Variants in SLC35F1 observed in about 807,000 individuals in gnomAD.
The protein encoded by SLC35F1 is chromosome 6 open reading frame 169.
A neutral mutation model predicts 48.7 loss-of-function variants in SLC35F1; 14 were observed. The observed-to-expected ratio is 0.29, with a 90% CI of 0.19 to 0.45. SLC35F1 has a LOEUF of 0.45. Ranked by LOEUF, SLC35F1 falls within the 20% of genes least tolerant of loss-of-function variation. The pLI, the probability that SLC35F1 is intolerant of heterozygous loss-of-function variation, is 1.00. For missense variants in SLC35F1, 404 were observed against 500.0 expected (o/e 0.81, Z 1.83); for synonymous variants, 190 against 202.2 (o/e 0.94, Z 0.51).
chr6:118,227,711 G>T (rs992895819), intron 2 of SLC35F1, among the ~76,000 whole-genome samples: 2 of 152,038 alleles, frequency 1.3e-5, no homozygotes, highest in Admixed American at 1.3e-4. Context: ...GGCAATATAG[G>T]GTGGGCAAAA....
At chr6:118,050,742 G>C (rs1772377026) in intron 1 of SLC35F1, among the ~76,000 whole-genome samples, 1 of 152,140 alleles carries the variant, frequency 6.6e-6, no homozygotes, top group African/African-American at 2.4e-5. Flanking sequence ...GGCAGGCCAG[G>C]TTTTGTTGTA....
intron 3 of SLC35F1, among the ~76,000 whole-genome samples, chr6:118,236,053 A>C (rs1474533869): frequency 1.3e-5 from 2 of 152,232 alleles, no homozygotes; most frequent in Non-Finnish European, 2.9e-5. Flanking sequence ...TAGAATGTTA[A>C]TAGACTTTGA....
At chr6:118,097,296 T>G (rs1199397991) in intron 1 of SLC35F1, among the ~76,000 whole-genome samples, 1 of 152,196 alleles carries the variant, frequency 6.6e-6, no homozygotes, top group African/African-American at 2.4e-5. Flanking sequence ...CCCTTCAGTA[T>G]AGCTTAATAA....
chr6:118,191,821 C>T (rs1774737489), intron 2 of SLC35F1, among the ~76,000 whole-genome samples: 1 of 152,212 alleles, frequency 6.6e-6, no homozygotes, highest in Admixed American at 6.5e-5. Flanking sequence ...TGAATGAAAT[C>T]CCTTTATAAA....
At chr6:117,935,221 T>A (rs1307299652) in intron 1 of SLC35F1, among the ~76,000 whole-genome samples, 1 of 152,260 alleles carries the variant, frequency 6.6e-6, no homozygotes, top group East Asian at 1.9e-4. Context: ...TCTACTCTCA[T>A]ACAGCCTAGT....
chr6:118,163,300 T>C (rs1226439313), intron 2 of SLC35F1, among the ~76,000 whole-genome samples: 1 of 152,072 alleles, frequency 6.6e-6, no homozygotes, highest in African/African-American at 2.4e-5. Flanking sequence ...ATATCTTACA[T>C]AGAACTCTCA....
intron 2 of SLC35F1, among the ~76,000 whole-genome samples, chr6:118,221,696 G>A (rs1775153664): frequency 6.6e-6 from 1 of 152,120 alleles, no homozygotes; most frequent in Non-Finnish European, 1.5e-5. Context: ...GTATAATGAA[G>A]ATCTATGTGG....
At chr6:118,196,109 A>AT (rs1287602631) in intron 2 of SLC35F1, among the ~76,000 whole-genome samples, 3 of 152,220 alleles carry the variant, frequency 2.0e-5, no homozygotes, top group African/African-American at 7.2e-5. Context: ...ACGTATGGAA[A>AT]TCAGAAGTGA....
intron 1 of SLC35F1, among the ~76,000 whole-genome samples, chr6:117,920,804 T>C (rs1582561969): frequency 6.6e-6 from 1 of 152,270 alleles, no homozygotes; most frequent in Admixed American, 6.5e-5. Context: ...TGTTGGGTCA[T>C]AACTGTCTCT....
chr6:118,012,318 T>G (rs1057008411), intron 1 of SLC35F1, among the ~76,000 whole-genome samples: 2 of 80,550 alleles, frequency 2.5e-5, no homozygotes, highest in African/African-American at 5.9e-5. Context: ...GCAGGGACAA[T>G]AAATGGGGAA....
At chr6:118,024,679 A>G (rs1469411767) in intron 1 of SLC35F1, among the ~76,000 whole-genome samples, 1 of 152,190 alleles carries the variant, frequency 6.6e-6, no homozygotes, top group Admixed American at 6.5e-5. Context: ...TGTGAACCCA[A>G]AATAAAGGAA....
chr6:118,114,710 T>C (rs1313858076), intron 1 of SLC35F1, among the ~76,000 whole-genome samples: 2 of 152,160 alleles, frequency 1.3e-5, no homozygotes, highest in African/African-American at 4.8e-5. Context: ...AGTTCTCTTT[T>C]AGAAACTCTT....
intron 1 of SLC35F1, among the ~76,000 whole-genome samples, chr6:118,147,412 A>G (rs1038360792): frequency 6.6e-6 from 1 of 152,170 alleles, no homozygotes; most frequent in Non-Finnish European, 1.5e-5. Context: ...GTTATAGCCT[A>G]TGCAGAGTTG....
chr6:118,291,393 A>G (rs1369458301), intron 7 of SLC35F1, among the ~76,000 whole-genome samples: 1 of 152,086 alleles, frequency 6.6e-6, no homozygotes, highest in African/African-American at 2.4e-5. Context: ...CCATTTTTAA[A>G]TTGGTCACTT....
At chr6:118,016,591 G>A (rs1777326170) in intron 1 of SLC35F1, among the ~76,000 whole-genome samples, 1 of 152,128 alleles carries the variant, frequency 6.6e-6, no homozygotes, top group South Asian at 2.1e-4. Context: ...GGGTAGAACT[G>A]CAAATATTCT....
intron 1 of SLC35F1, among the ~76,000 whole-genome samples, chr6:117,968,728 G>C (rs1776602793): frequency 6.6e-6 from 1 of 152,076 alleles, no homozygotes; most frequent in African/African-American, 2.4e-5. Context: ...AAACATCTAT[G>C]GTATAAACCT....
chr6:117,975,163 T>C (rs1207013670), intron 1 of SLC35F1, among the ~76,000 whole-genome samples: 6 of 152,236 alleles, frequency 3.9e-5, no homozygotes, highest in South Asian at 4.1e-4. Flanking sequence ...TTCCTTCCAT[T>C]GATGTTTAGA....
intron 1 of SLC35F1, among the ~76,000 whole-genome samples, chr6:118,080,582 T>C (rs12208433): frequency 0.23 from 34,629 of 152,204 alleles, 4,174 homozygotes; most frequent in East Asian, 0.31. Flanking sequence ...TGTGTGATTA[T>C]TGATTTCTGA....
chr6:117,973,744 T>C (rs1776673078), intron 1 of SLC35F1, among the ~76,000 whole-genome samples: 1 of 152,128 alleles, frequency 6.6e-6, no homozygotes. Flanking sequence ...ACTTGTTTTA[T>C]AGAAACTATA....
Sources: allele counts gnomAD v4.1 joint callset (sites outside exome capture counted in the v4.1 genomes callset), GRCh38; gene constraint gnomAD v4.1.1; transcripts MANE v1.5; gene names NCBI Gene and HGNC (gene_info 2026-07-23, HGNC 2026-07-21).